ZC2HC1C: variants seen among roughly 807,000 people sequenced by gnomAD.
The protein encoded by ZC2HC1C is zinc finger C2HC domain-containing protein 1C.
ZC2HC1C carries 25 observed loss-of-function variants against 39.2 expected under a neutral mutation model. That is an observed-to-expected ratio of 0.64 (90% CI 0.47 to 0.89). ZC2HC1C has a LOEUF of 0.89. Among genes scored for constraint, ZC2HC1C ranks in the 40% least tolerant of loss-of-function variants. ZC2HC1C has a pLI of 0.00. For missense variants in ZC2HC1C, 519 were observed against 548.6 expected, an observed-to-expected ratio of 0.95 and a Z score of 0.54; for synonymous variants, 209 against 214.4, an observed-to-expected ratio of 0.97 and a Z score of 0.22.
chr14:75,073,817 G>A (rs1212394768), intron 2 of ZC2HC1C, among the ~76,000 whole-genome samples: 1 of 152,210 alleles, frequency 6.6e-6, no homozygotes, highest in African/African-American at 2.4e-5. Flanking sequence ...TAGAGTATAA[G>A]AAGTAAATTA....
intron 2 of ZC2HC1C, chr14:75,073,566 C>T (rs1466605758): frequency 7.8e-7 from 1 of 1,289,052 alleles, no homozygotes; most frequent in Non-Finnish European, 1.0e-6. Context: ...AATCTTATTC[C>T]ACAGTGCTGT....
intron 1 of ZC2HC1C, 105 bp from the exon 2 acceptor site, chr14:75,070,450 T>A: frequency 7.3e-7 from 1 of 1,364,090 alleles, no homozygotes; most frequent in East Asian, 2.4e-5. Flanking sequence ...CCCAGAAAAG[T>A]TTAAGGGAAT....
At chr14:75,074,292 G>C (rs1893563489) in intron 2 of ZC2HC1C, among the ~76,000 whole-genome samples, 3 of 152,134 alleles carry the variant, frequency 2.0e-5, no homozygotes, top group African/African-American at 7.2e-5. Context: ...TTTCTGGAAG[G>C]ATCCTTTCTT....
rs756825851 is a variant in ZC2HC1C, at chr14:75,077,607, G to C, written c.*43G>C. On this transcript the variant is annotated 3_prime_UTR_variant, in exon 3 of 3. Coordinates refer to ENST00000524913, the MANE Select transcript of ZC2HC1C (RefSeq NM_024643.4). ...CCATACGTTCCGCCAGGCTCGAGAGGTCCAGCAGGTAACTGCCAAAGGTGG... is the reference window on the plus strand; with the variant it reads ...CCATACGTTCCGCCAGGCTCGAGAGCTCCAGCAGGTAACTGCCAAAGGTGG... 1 of 1,613,044 alleles carries C rather than the reference G, an allele frequency of 6.2e-7. No homozygotes were observed.
chr14:75,076,887 T>C (rs1481546396), intron 2 of ZC2HC1C, among the ~76,000 whole-genome samples: 2 of 152,162 alleles, frequency 1.3e-5, no homozygotes, highest in East Asian at 3.8e-4. Flanking sequence ...GATCTTCATA[T>C]TAAGGTTCCC....
Position 75,070,871 on chromosome 14 carries a change from T to A in ZC2HC1C, c.298T>A (p.Ser100Thr), listed in dbSNP as rs1893347711. The A allele has an allele frequency of 3.7e-6, 6 of 1,614,208 alleles. No homozygotes were observed. Among genetic ancestry groups the A allele is most frequent in the Non-Finnish European group, 3.4e-6 (4 of 1,180,026 alleles). Residue 100 changes from serine (S) to threonine (T), a missense_variant, in exon 2 of 3, where the codon TCC (serine) becomes ACC (threonine). Ser to Thr is a moderately conservative substitution (Grantham distance 58). Coordinates refer to ENST00000524913, the MANE Select transcript of ZC2HC1C (RefSeq NM_024643.4). Reference protein sequence around the residue: ...GISQQDPESDSQGQGNGLFYS... With the variant: ...GISQQDPESDTQGQGNGLFYS... ...CAGCCAGCAAGATCCAGAAAGTGAT[T>A]CCCAGGGCCAAGGAAATGGTTTGTT...
At chr14:75,074,552 T>A (rs1893577397) in intron 2 of ZC2HC1C, among the ~76,000 whole-genome samples, 1 of 152,110 alleles carries the variant, frequency 6.6e-6, no homozygotes, top group Non-Finnish European at 1.5e-5. Flanking sequence ...TTTATCAATT[T>A]TCTACATTAC....
intron 2 of ZC2HC1C, among the ~76,000 whole-genome samples, chr14:75,072,405 C>A (rs1893470069): frequency 6.6e-6 from 1 of 152,178 alleles, no homozygotes; most frequent in African/African-American, 2.4e-5. Flanking sequence ...TTTAACTATT[C>A]ACTCTTTTAA....
chr14:75,071,157 C>A lies in ZC2HC1C; in HGVS notation c.584C>A (p.Ala195Asp), dbSNP rs372083108. ...TCTGTGGTTGGTACTGTTCTTGCTG[C>A]CACGCAGGCGGAGAAGGCCGTGGCA... Reference protein sequence around the residue: ...NFSVVGTVLAATQAEKAVANF... With the variant: ...NFSVVGTVLADTQAEKAVANF... The change falls in exon 2 of 3, where the codon GCC (alanine) becomes GAC (aspartate). Residue 195 changes from alanine to aspartate, a missense_variant. Physicochemically the swap from Ala to Asp is moderately radical, Grantham distance 126. Transcript: ENST00000524913. 1.9e-6 allele frequency: 3 copies of A among 1,614,016 alleles called. No individual in the cohort carries two copies. In the African/African-American group the frequency reaches 4.0e-5, roughly 22 times the overall value.
intron 2 of ZC2HC1C, among the ~76,000 whole-genome samples, chr14:75,072,744 C>T (rs1446883546): frequency 6.6e-6 from 1 of 152,108 alleles, no homozygotes; most frequent in Non-Finnish European, 1.5e-5. Flanking sequence ...CAAGGTGTGG[C>T]ATGCTGACAA....
At chr14:75,077,126 GAT>G (rs1438437343) in intron 2 of ZC2HC1C, among the ~76,000 whole-genome samples, 2 of 152,196 alleles carry the variant, frequency 1.3e-5, no homozygotes, top group African/African-American at 4.8e-5. Context: ...CACGTGTCTA[GAT>G]TTCCTGAGTC....
At chr14:75,075,250 T>C (rs963721054) in intron 2 of ZC2HC1C, among the ~76,000 whole-genome samples, 2 of 152,216 alleles carry the variant, frequency 1.3e-5, no homozygotes, top group Non-Finnish European at 2.9e-5. Flanking sequence ...GCCACTCTGA[T>C]CCCTTCTGCT....
chr14:75,071,167 G>A lies in ZC2HC1C; in HGVS notation c.594G>A (p.Ala198=), dbSNP rs200790197. 11 of 1,614,142 alleles carry A rather than the reference G, an allele frequency of 6.8e-6. No individual in the cohort carries two copies. The highest frequency in any genetic ancestry group is 2.2e-5 in the East Asian group (1 of 44,882). ...VVGTVLAATQ[A]EKAVANFDRT... ...GTACTGTTCTTGCTGCCACGCAGGCGGAGAAGGCCGTGGCAAACTTTGACA... is the reference window on the plus strand; with the variant it reads ...GTACTGTTCTTGCTGCCACGCAGGCAGAGAAGGCCGTGGCAAACTTTGACA... The change falls in exon 2 of 3, where the codon GCG becomes GCA. Residue 198 remains alanine (A), a synonymous_variant. Coordinates refer to ENST00000524913, the MANE Select transcript of ZC2HC1C (RefSeq NM_024643.4).
rs1566625872 is a variant in ZC2HC1C at position 75,070,894 on chromosome 14, G to C, written c.321G>C (p.Leu107Phe). ...ATTCCCAGGGCCAAGGAAATGGTTT[G>C]TTTTACTCGTCAGGCCCTCAATCCT... ...ESDSQGQGNGLFYSSGPQSWY... is the reference protein window; with the variant it reads ...ESDSQGQGNGFFYSSGPQSWY... The change falls in exon 2 of 3, where the codon TTG (leucine) becomes TTC (phenylalanine). Residue 107 changes from leucine (L) to phenylalanine (F), a missense_variant. Coordinates refer to ENST00000524913, the MANE Select transcript of ZC2HC1C (RefSeq NM_024643.4). The C allele has an allele frequency of 6.2e-7, 1 of 1,614,098 alleles. No individual in the cohort carries two copies. The highest frequency in any genetic ancestry group is 1.3e-5 in the African/African-American group (1 of 74,942).
chr14:75,071,915 A>G lies in ZC2HC1C; in HGVS notation c.1338+4A>G. The stretch of plus-strand genomic sequence containing the variant: ...GAAGGGGCCAGCTTCAGCCAAGGTA[A>G]CAAGAGCCTTATGGATGTGACTTGG... On this transcript the variant is annotated splice_donor_region_variant and intron_variant, in intron 2 of 2. Transcript: ENST00000524913. 6.3e-7 allele frequency: 1 copy of G among 1,578,442 alleles called. No homozygotes were observed. Among genetic ancestry groups the G allele is most frequent in the East Asian group, 2.2e-5 (1 of 44,646 alleles).
intron 2 of ZC2HC1C, 106 bp from the exon 3 acceptor site, chr14:75,077,426 A>T: frequency 6.9e-7 from 1 of 1,447,282 alleles, no homozygotes; most frequent in East Asian, 2.3e-5. Flanking sequence ...GTTCTCTTTG[A>T]CCTTGCAGAT....
rs368540557 is a variant in ZC2HC1C, at chr14:75,070,550, C to A, written c.-19-5C>A. 1 of 1,575,596 alleles carries A rather than the reference C, an allele frequency of 6.3e-7. No homozygotes were observed. Among genetic ancestry groups the A allele is most frequent in the Non-Finnish European group, 8.6e-7 (1 of 1,163,644 alleles). On this transcript the variant is annotated splice_polypyrimidine_tract_variant and splice_region_variant and intron_variant, in intron 1 of 2. Coordinates refer to ENST00000524913, the MANE Select transcript of ZC2HC1C (RefSeq NM_024643.4). ...TCCCGTGTATCTGGTTTAAATCTCC[C>A]GTAGGCGTCAGTCCAGGCCCTGAAT... is the stretch of plus-strand genomic sequence containing the variant.
rs917907469 is a variant in ZC2HC1C at position 75,071,062 on chromosome 14, C to T, written c.489C>T (p.Val163=). ...GEAGTDGDHN[V]YPRPPEPREF... The stretch of plus-strand genomic sequence containing the variant: ...CTGGCACTGATGGGGACCATAATGT[C>T]TACCCAAGGCCCCCTGAGCCGAGAG... Residue 163 remains valine, a synonymous_variant, in exon 2 of 3, where the codon GTC becomes GTT. Coordinates refer to ENST00000524913, the MANE Select transcript of ZC2HC1C (RefSeq NM_024643.4). The T allele has an allele frequency of 1.9e-6, 3 of 1,614,184 alleles. No homozygotes were observed. The highest frequency in any genetic ancestry group is 2.5e-6 in the Non-Finnish European group (3 of 1,180,042).
rs1002351165 is a variant in ZC2HC1C at position 75,078,423 on chromosome 14, A to G, written c.*859A>G. The G allele has an allele frequency of 6.6e-6, 1 of 152,128 alleles. No homozygotes were observed. Among genetic ancestry groups the G allele is most frequent in the African/African-American group, 2.4e-5 (1 of 41,426 alleles). The allele number at this position is 152,128 out of a possible 1,614,324, so 9.4% of individuals were successfully genotyped here. A position where few individuals can be genotyped will look rare whatever the true frequency, so the allele number is the denominator to read the frequency against. On this transcript the variant is annotated 3_prime_UTR_variant, in exon 3 of 3. Transcript: ENST00000524913. ...TGTAATAAAGGAAAGATCTTTATGT[A>G]CTTTACAGGGTAGGGATGGGTGTTG...
Sources: gnomAD v4.1 joint callset for allele counts (sites outside exome capture counted in the v4.1 genomes callset) on GRCh38, gnomAD v4.1.1 for gene constraint, MANE v1.5 for transcripts, NCBI Gene and HGNC (gene_info 2026-07-23, HGNC 2026-07-21) for gene names.